The following FRMD4A variants were observed in gnomAD, a reference collection of about 807,000 sequenced individuals.
FRMD4A encodes the protein FERM domain containing 4A.
FRMD4A carries 29 observed loss-of-function variants against 129.1 expected under a neutral mutation model. The ratio of observed to expected loss-of-function variants is 0.22; its 90% CI spans 0.17 to 0.31. The LOEUF (loss-of-function observed/expected upper bound fraction) is 0.31, where lower values mean the gene tolerates loss of function less well. Among genes scored for constraint, FRMD4A ranks in the 10% least tolerant of loss-of-function variants. The pLI is 1.00. For missense variants in FRMD4A, 1,272 were observed against 1,375.8 expected (o/e 0.92, Z 1.19); for synonymous variants, 634 against 571.6 (o/e 1.11, Z -1.56).
intron 13 of FRMD4A, among the ~76,000 whole-genome samples, chr10:13,704,005 A>AAAAAC (rs2087137801): frequency 6.6e-6 from 1 of 151,938 alleles, no homozygotes; most frequent in Non-Finnish European, 1.5e-5. Flanking sequence ...CTCTGTCTCA[A>AAAAAC]AAAACAAAAC....
At chr10:13,717,911 C>T (rs1479877039) in intron 12 of FRMD4A, among the ~76,000 whole-genome samples, 1 of 152,022 alleles carries the variant, frequency 6.6e-6, no homozygotes. Context: ...CAAGAAACAC[C>T]GTGCTTTATC....
At chr10:14,011,536 CA>C (rs1433029825) in intron 2 of FRMD4A, among the ~76,000 whole-genome samples, 1 of 152,142 alleles carries the variant, frequency 6.6e-6, no homozygotes, top group Non-Finnish European at 1.5e-5. Flanking sequence ...ATCTGCCTTC[CA>C]ATCTCCTGGC....
intron 2 of FRMD4A, among the ~76,000 whole-genome samples, chr10:14,234,467 C>T (rs10906633): frequency 0.38 from 57,766 of 152,044 alleles, 12,095 homozygotes; most frequent in Non-Finnish European, 0.46. Flanking sequence ...AAATTAGGCA[C>T]GAGGGAATTC....
chr10:13,832,959 A>G (rs2093813790), intron 3 of FRMD4A, among the ~76,000 whole-genome samples: 1 of 152,222 alleles, frequency 6.6e-6, no homozygotes, highest in East Asian at 1.9e-4. Context: ...GGAAAGAATC[A>G]CTGTGTTGTG....
At chr10:14,272,546 T>C (rs1845198315) in intron 2 of FRMD4A, among the ~76,000 whole-genome samples, 1 of 152,212 alleles carries the variant, frequency 6.6e-6, no homozygotes, top group Admixed American at 6.5e-5. Flanking sequence ...ATTTTGCTTC[T>C]CTAGAATTTC....
chr10:14,125,165 C>G (rs1298169406), intron 2 of FRMD4A, among the ~76,000 whole-genome samples: 1 of 152,154 alleles, frequency 6.6e-6, no homozygotes, highest in African/African-American at 2.4e-5. Context: ...AACGCATGCA[C>G]CATGATCACC....
intron 13 of FRMD4A, among the ~76,000 whole-genome samples, chr10:13,705,974 G>C (rs2087391587): frequency 6.6e-6 from 1 of 152,168 alleles, no homozygotes; most frequent in African/African-American, 2.4e-5. Context: ...AGGAACAGGG[G>C]CTACTGCACA....
chr10:14,013,231 T>A (rs2095687968), intron 2 of FRMD4A, among the ~76,000 whole-genome samples: 1 of 152,186 alleles, frequency 6.6e-6, no homozygotes, highest in Non-Finnish European at 1.5e-5. Flanking sequence ...CTAACCTCCA[T>A]CTTGAGCCAT....
At chr10:13,878,222 C>CAAAA (rs34559071) in intron 2 of FRMD4A, among the ~76,000 whole-genome samples, 30 of 91,280 alleles carry the variant, frequency 3.3e-4, no homozygotes, top group African/African-American at 8.9e-4. Context: ...CTACTTGTAG[C>CAAAA]AAAAAAAAAA....
At chr10:13,691,998 A>G (rs1259664342) in intron 15 of FRMD4A, among the ~76,000 whole-genome samples, 1 of 152,154 alleles carries the variant, frequency 6.6e-6, no homozygotes, top group Admixed American at 6.5e-5. Flanking sequence ...CAAGCTTCAG[A>G]AAGAATGAGC....
rs183002873 is a variant in FRMD4A at position 13,809,693 on chromosome 10, G to A, written c.206+1121C>T. On this transcript the variant is annotated intron_variant, in intron 4 of 24. Transcript: ENST00000357447. ...ACCTTGCTCCTCCCAGCTTTCTTGA[G>A]GAAGATGTGGCTTTGCTCCTGCTGC... 4.4e-3 allele frequency among the ~76,000 whole-genome samples: 666 copies of A among 152,244 alleles called. 5 individuals carry two copies. Among genetic ancestry groups the A allele is most frequent in the Non-Finnish European group, 7.6e-3 (515 of 68,004 alleles).
chr10:14,077,591 C>T (rs1373077058), intron 2 of FRMD4A, among the ~76,000 whole-genome samples: 5 of 152,110 alleles, frequency 3.3e-5, no homozygotes, highest in African/African-American at 1.2e-4. Context: ...GAGCGTTTTC[C>T]TTGCCCTGCT....
chr10:13,702,222 C>T (rs2086899545), intron 13 of FRMD4A, among the ~76,000 whole-genome samples: 1 of 152,142 alleles, frequency 6.6e-6, no homozygotes, highest in African/African-American at 2.4e-5. Flanking sequence ...CAGATGCCCC[C>T]CACCACTCCG....
At chr10:13,717,147 A>C (rs1192900035) in intron 12 of FRMD4A, among the ~76,000 whole-genome samples, 1 of 152,182 alleles carries the variant, frequency 6.6e-6, no homozygotes, top group African/African-American at 2.4e-5. Flanking sequence ...CTTGAAAAAA[A>C]GCCAAGGCTA....
intron 2 of FRMD4A, among the ~76,000 whole-genome samples, chr10:14,084,518 A>G (rs1263373208): frequency 6.6e-6 from 1 of 152,174 alleles, no homozygotes; most frequent in African/African-American, 2.4e-5. Context: ...TGATGCTTTG[A>G]CATCTCAGGT....
At position 13,707,457 on chromosome 10, in the gene FRMD4A, G is replaced by C. The variant is rs375759421; in HGVS notation, c.760-344C>G. On this transcript the variant is annotated intron_variant, in intron 12 of 24. Coordinates refer to ENST00000357447, the MANE Select transcript of FRMD4A (RefSeq NM_018027.5). ...TTCCCTTCCAGGAGAGGGAGGAGAGGTGGAGACCGGGGAGAGGGACCCAGC... is the reference window on the plus strand; with the variant it reads ...TTCCCTTCCAGGAGAGGGAGGAGAGCTGGAGACCGGGGAGAGGGACCCAGC... 5.5e-5 allele frequency: 57 copies of C among 1,035,452 alleles called. No individual in the cohort carries two copies. In the East Asian group the frequency reaches 1.1e-3, roughly 20 times the overall value. 64.1% of individuals were successfully genotyped at this position (1,035,452 alleles called of 1,614,324 possible). A position where few individuals can be genotyped will look rare whatever the true frequency, so the allele number is the denominator to read the frequency against.
At chr10:13,774,841 AATG>A (rs897812093) in intron 6 of FRMD4A, among the ~76,000 whole-genome samples, 22 of 152,164 alleles carry the variant, frequency 1.4e-4, no homozygotes, top group African/African-American at 5.3e-4. Flanking sequence ...ATAGAATAAT[AATG>A]ATAACTAATA....
chr10:13,748,439 T>C (rs2091407788), intron 8 of FRMD4A, among the ~76,000 whole-genome samples: 1 of 152,222 alleles, frequency 6.6e-6, no homozygotes, highest in Non-Finnish European at 1.5e-5. Context: ...TGTTTGCATT[T>C]ATATACTTAC....
intron 2 of FRMD4A, among the ~76,000 whole-genome samples, chr10:14,119,863 A>G (rs189099184): frequency 1.4e-4 from 21 of 152,276 alleles, no homozygotes; most frequent in Admixed American, 4.6e-4. Flanking sequence ...CTGTTAGGTA[A>G]TGAGTTCTCC....
Sources: gnomAD v4.1 joint callset for allele counts (sites outside exome capture counted in the v4.1 genomes callset) on GRCh38, gnomAD v4.1.1 for gene constraint, MANE v1.5 for transcripts, NCBI Gene and HGNC (gene_info 2026-07-23, HGNC 2026-07-21) for gene names.